Variants in INPP4B observed in about 807,000 individuals in gnomAD.
The protein encoded by INPP4B is inositol polyphosphate-4-phosphatase type II B, also known as inositol polyphosphate 4-phosphatase type II.
INPP4B carries 55 observed loss-of-function variants against 122.5 expected under a neutral mutation model. The observed-to-expected ratio is 0.45, with a 90% CI of 0.36 to 0.56. INPP4B has a LOEUF of 0.56. INPP4B is among the 20% of genes least tolerant of loss of function. The pLI, the probability that INPP4B is intolerant of heterozygous loss-of-function variation, is 0.00. For synonymous variants in INPP4B, 403 were observed against 388.7 expected, an observed-to-expected ratio of 1.04 and a Z score of -0.43; for missense variants, 1,000 against 1,097.7, an observed-to-expected ratio of 0.91 and a Z score of 1.26.
chr4:142,201,219 G>A (rs1270948605), intron 14 of INPP4B, among the ~76,000 whole-genome samples: 3 of 152,030 alleles, frequency 2.0e-5, no homozygotes, highest in Non-Finnish European at 4.4e-5. Context: ...ATGAATTTAA[G>A]CCAAAGGAAA....
At chr4:142,316,700 G>T (rs1767835958) in intron 7 of INPP4B, among the ~76,000 whole-genome samples, 1 of 151,638 alleles carries the variant, frequency 6.6e-6, no homozygotes, top group African/African-American at 2.4e-5. Flanking sequence ...AATATACATA[G>T]AGTTGTATAA....
intron 3 of INPP4B, among the ~76,000 whole-genome samples, chr4:142,452,511 G>C (rs190372254): frequency 3.5e-4 from 54 of 152,220 alleles, no homozygotes; most frequent in African/African-American, 1.3e-3. Flanking sequence ...TAAAATACGG[G>C]GGTAAAATGT....
intron 1 of INPP4B, among the ~76,000 whole-genome samples, chr4:142,824,681 C>G (rs1781230838): frequency 6.6e-6 from 1 of 151,970 alleles, no homozygotes; most frequent in Non-Finnish European, 1.5e-5. Context: ...GATTCATTTT[C>G]CCCATTTCTT....
chr4:142,803,999 C>T (rs1356448818), intron 1 of INPP4B, among the ~76,000 whole-genome samples: 1 of 151,656 alleles, frequency 6.6e-6, no homozygotes, highest in Non-Finnish European at 1.5e-5. Context: ...GTGGAGGTTG[C>T]AGTGAGCCAA....
At chr4:142,844,270 A>C (rs1208603950) in intron 1 of INPP4B, among the ~76,000 whole-genome samples, 1 of 152,342 alleles carries the variant, frequency 6.6e-6, no homozygotes, top group East Asian at 1.9e-4. Flanking sequence ...CATCATAGTG[A>C]TCATTATTTT....
chr4:142,448,556 C>T (rs1194170297), intron 3 of INPP4B, among the ~76,000 whole-genome samples: 2 of 152,144 alleles, frequency 1.3e-5, no homozygotes, highest in African/African-American at 4.8e-5. Context: ...GATAGGATCA[C>T]ACCTAGAAAA....
intron 11 of INPP4B, among the ~76,000 whole-genome samples, chr4:142,259,261 G>C (rs1019852103): frequency 6.6e-6 from 1 of 150,668 alleles, no homozygotes; most frequent in East Asian, 2.0e-4. Flanking sequence ...GCTAAATGAC[G>C]ACTTAGTGGG....
At chr4:142,343,153 T>C (rs565020511) in intron 7 of INPP4B, among the ~76,000 whole-genome samples, 12 of 152,258 alleles carry the variant, frequency 7.9e-5, no homozygotes, top group Admixed American at 5.9e-4. Flanking sequence ...GGATTTCATT[T>C]ATGTGCTGTC....
intron 2 of INPP4B, among the ~76,000 whole-genome samples, chr4:142,550,478 G>A (rs1727694049): frequency 6.6e-6 from 1 of 151,872 alleles, no homozygotes; most frequent in Non-Finnish European, 1.5e-5. Context: ...TTTGAGGTAG[G>A]AGAGTTCAAC....
chr4:142,381,669 A>C (rs1794145555), intron 7 of INPP4B, among the ~76,000 whole-genome samples: 1 of 152,172 alleles, frequency 6.6e-6, no homozygotes, highest in Non-Finnish European at 1.5e-5. Flanking sequence ...CAGAAGTTGT[A>C]GTGTAGTTTA....
intron 1 of INPP4B, among the ~76,000 whole-genome samples, chr4:142,743,756 G>A (rs923417982): frequency 9.2e-5 from 14 of 151,948 alleles, no homozygotes; most frequent in Non-Finnish European, 2.9e-5. Context: ...GAGACATAGA[G>A]TTCAGAGATT....
intron 11 of INPP4B, among the ~76,000 whole-genome samples, chr4:142,258,990 G>A (rs1011727639): frequency 6.6e-6 from 1 of 152,022 alleles, no homozygotes; most frequent in Admixed American, 6.6e-5. Context: ...TTAAGAAAAT[G>A]TGGCACATAT....
rs1465470696 is a variant in INPP4B at position 142,548,064 on chromosome 4, G to T, written c.-190-85338C>A. On this transcript the variant is annotated intron_variant, in intron 2 of 25. Coordinates refer to ENST00000262992, the MANE Select transcript of INPP4B (RefSeq NM_001101669.3). ...AGGTTACACTTGAGGTGGGAAAATAGGCTGTGACTCTGGCCAACGTTAAGC... is the reference window on the plus strand; with the variant it reads ...AGGTTACACTTGAGGTGGGAAAATATGCTGTGACTCTGGCCAACGTTAAGC... Among the ~76,000 whole-genome samples the T allele has an allele frequency of 2.0e-5, 3 of 152,280 alleles. No homozygotes were observed. The East Asian group carries it at 5.8e-4, about 29-fold the overall frequency.
intron 2 of INPP4B, among the ~76,000 whole-genome samples, chr4:142,615,906 A>G (rs1483877088): frequency 6.6e-6 from 1 of 152,132 alleles, no homozygotes; most frequent in Non-Finnish European, 1.5e-5. Flanking sequence ...AGCCATATTA[A>G]TAGGAGAAAA....
chr4:142,506,577 T>G (rs1824053899), intron 2 of INPP4B, among the ~76,000 whole-genome samples: 1 of 152,234 alleles, frequency 6.6e-6, no homozygotes, highest in East Asian at 1.9e-4. Context: ...AGACATTGTC[T>G]CATTACTTCT....
At chr4:142,230,362 A>G (rs1853644313) in intron 12 of INPP4B, among the ~76,000 whole-genome samples, 1 of 152,072 alleles carries the variant, frequency 6.6e-6, no homozygotes, top group South Asian at 2.1e-4. Flanking sequence ...AAATAAAAAC[A>G]AGGCCGGGAG....
rs994896108 is a variant in INPP4B, at chr4:142,023,428, C to T, written c.*5354G>A. The stretch of plus-strand genomic sequence containing the variant: ...TAGATTAAATAAAATTATAAAATAT[C>T]CACACGAGAAGTATGTGTATACAAA... On this transcript the variant is annotated 3_prime_UTR_variant, in exon 26 of 26. Coordinates refer to ENST00000262992, the MANE Select transcript of INPP4B (RefSeq NM_001101669.3). 4.6e-5 allele frequency: 7 copies of T among 152,046 alleles called. No homozygotes were observed. The highest frequency in any genetic ancestry group is 1.7e-4 in the African/African-American group (7 of 41,422). 9.4% of individuals were successfully genotyped at this position (152,046 alleles called of 1,614,324 possible).
intron 2 of INPP4B, chr4:142,514,187 A>G (rs1186139954): frequency 6.6e-6 from 1 of 152,240 alleles, no homozygotes; most frequent in Non-Finnish European, 1.5e-5. Context: ...CCTGAAACAG[A>G]CATCTTCATG....
chr4:142,407,894 C>CA (rs552853236), intron 5 of INPP4B, among the ~76,000 whole-genome samples: 18 of 150,174 alleles, frequency 1.2e-4, no homozygotes, highest in Admixed American at 6.0e-4. Flanking sequence ...CTTTTCTATG[C>CA]AAAAAAAAAG....
Sources: allele counts gnomAD v4.1 joint callset (sites outside exome capture counted in the v4.1 genomes callset), GRCh38; gene constraint gnomAD v4.1.1; transcripts MANE v1.5; gene names NCBI Gene and HGNC (gene_info 2026-07-23, HGNC 2026-07-21).